Variants in TMC8 observed in about 807,000 individuals in gnomAD.
The protein encoded by TMC8 is transmembrane channel-like protein 8.
Under a neutral mutation model 76.0 loss-of-function variants are expected in TMC8, and 71 were observed. That is an observed-to-expected ratio of 0.93 (90% confidence interval 0.77 to 1.14). TMC8 has a LOEUF of 1.14. Among genes scored for constraint, TMC8 ranks in the 50% most tolerant of loss-of-function variants. The pLI is 0.00. For synonymous variants in TMC8, 433 were observed against 433.8 expected (o/e 1.00, Z 0.02); for missense variants, 924 against 947.9 (o/e 0.97, Z 0.33).
In TMC8 at chr17:78,131,286, G is replaced by T; in HGVS notation, c.-303G>T. ...TCTTTCACCCCATTTGACAGATGGG[G>T]AGACTGAGGCCGTGGCTGTGTGTCC... is the stretch of plus-strand genomic sequence containing the variant. On this transcript the variant is annotated 5_prime_UTR_variant, in exon 2 of 16. Transcript: ENST00000318430. 2 of 528,686 alleles carry T rather than the reference G, an allele frequency of 3.8e-6. No individual in the cohort carries two copies. The highest frequency in any genetic ancestry group is 4.0e-5 in the South Asian group (2 of 49,480). 32.7% of individuals were successfully genotyped at this position (528,686 alleles called of 1,614,324 possible).
chr17:78,134,743 G>C, intron 8 of TMC8, 127 bp from the exon 9 acceptor site: 3 of 1,544,196 alleles, frequency 1.9e-6, no homozygotes, highest in African/African-American at 1.4e-5. Flanking sequence ...GGCTGCTGCA[G>C]GGAATAGCTT....
intron 15 of TMC8, 102 bp from the exon 16 acceptor site, chr17:78,140,732 T>C (rs1485030453): frequency 2.0e-6 from 3 of 1,481,980 alleles, no homozygotes; most frequent in Non-Finnish European, 2.8e-6. Flanking sequence ...CTACTTTGGG[T>C]GCGGGCTGGC....
Position 78,140,819 on chromosome 17 carries a change from T to G in TMC8, c.1903-15T>G. 1.2e-6 allele frequency: 2 copies of G among 1,600,568 alleles called. No individual in the cohort carries two copies. Among genetic ancestry groups the G allele is most frequent in the Admixed American group, 1.7e-5 (1 of 58,010 alleles). ...AGCAGCGCCTGTCGCAACTCGCCAC[T>G]TGTTCTCCTCACAGCAGGTTCAGGA... On this transcript the variant is annotated splice_polypyrimidine_tract_variant and intron_variant, in intron 15 of 15. Coordinates refer to ENST00000318430, the MANE Select transcript of TMC8 (RefSeq NM_152468.5).
In TMC8 at chr17:78,132,359, G is replaced by T; in HGVS notation, c.299G>T (p.Gly100Val). 1.2e-6 allele frequency: 2 copies of T among 1,612,854 alleles called. No individual in the cohort carries two copies. The highest frequency in any genetic ancestry group is 8.5e-7 in the Non-Finnish European group (1 of 1,179,744). ...GACCCACCCTGCTCTCCCACTGCAG[G>T]CCTCTTCGGCACAGGAATTCGGTCC... ...LWEGALYEIGGLFGTGIRSYF... is the reference protein window; with the variant it reads ...LWEGALYEIGVLFGTGIRSYF... Residue 100 changes from glycine (G) to valine (V), a missense_variant and splice_region_variant, in exon 4 of 16, where the codon GGC becomes GTC. Physicochemically the swap from Gly to Val is moderately radical, Grantham distance 109 (BLOSUM62 -3). Coordinates refer to ENST00000318430, the MANE Select transcript of TMC8 (RefSeq NM_152468.5).
rs1201674417 is a variant in TMC8 at position 78,131,915 on chromosome 17, G to C, written c.183G>C (p.Leu61Phe). 2.0e-6 allele frequency: 3 copies of C among 1,496,272 alleles called. No individual in the cohort carries two copies. In the Admixed American group the frequency reaches 6.5e-5, roughly 32 times the overall value. 92.7% of individuals were successfully genotyped at this position (1,496,272 alleles called of 1,614,324 possible). ...QLREPAGVQT[L>F]RWQRWQRRRQ... ...GGGAGCCCGCGGGGGTGCAGACCTT[G>C]CGCTGGCAGCGGTGGCAGCGCCGGC... is the stretch of plus-strand genomic sequence containing the variant. The change falls in exon 3 of 16, where the codon TTG (leucine) becomes TTC (phenylalanine). Residue 61 changes from leucine (L) to phenylalanine (F), a missense_variant. Physicochemically the swap from Leu to Phe is conservative, Grantham distance 22. Coordinates refer to ENST00000318430, the MANE Select transcript of TMC8 (RefSeq NM_152468.5).
chr17:78,132,175 C>T, intron 3 of TMC8, 145 bp downstream of exon 3: 1 of 1,415,900 alleles, frequency 7.1e-7, no homozygotes, highest in South Asian at 1.2e-5. Context: ...CCCTTCCGCC[C>T]GCAGGCACCG....
chr17:78,134,260 C>A, intron 7 of TMC8, 134 bp from the exon 8 acceptor site: 1 of 1,166,216 alleles, frequency 8.6e-7, no homozygotes, highest in Non-Finnish European at 1.2e-6. Context: ...TCTATGGGAG[C>A]ATGACAGTGT....
rs1568011503 is a variant in TMC8, at chr17:78,131,641, C to T, written c.53C>T (p.Pro18Leu). 9 of 1,557,668 alleles carry T rather than the reference C, an allele frequency of 5.8e-6. No homozygotes were observed. The highest frequency in any genetic ancestry group is 6.9e-6 in the Non-Finnish European group (8 of 1,151,980). The change falls in exon 2 of 16, where the codon CCG (proline) becomes CTG (leucine). Residue 18 changes from proline (P) to leucine (L), a missense_variant. Pro to Leu is a moderately conservative substitution (Grantham distance 98). Coordinates refer to ENST00000318430, the MANE Select transcript of TMC8 (RefSeq NM_152468.5). Reference protein sequence around the residue: ...SSERAPGVPEPEELWEAEMER... With the variant: ...SSERAPGVPELEELWEAEMER... The stretch of plus-strand genomic sequence containing the variant: ...GAGCGGGCCCCTGGGGTGCCGGAGC[C>T]GGAGGAGCTGTGGGAGGCAGAGATG...
Position 78,131,965 on chromosome 17 carries a change from G to T in TMC8, c.233G>T (p.Arg78Leu). The change falls in exon 3 of 16, where the codon CGG becomes CTG. Residue 78 changes from arginine to leucine, a missense_variant. Transcript: ENST00000318430. Reference sequence around the variant, plus strand: ...CGGCAGACGGTGGAAAGGCGCCTGCGGGAGGCAGCGCAGCGGCTGGCCCGG... The same window carrying T: ...CGGCAGACGGTGGAAAGGCGCCTGCTGGAGGCAGCGCAGCGGCTGGCCCGG... The part of the protein sequence containing the change: ...RRRQTVERRL[R>L]EAAQRLARGL... 2 of 1,520,928 alleles carry T rather than the reference G, an allele frequency of 1.3e-6. No individual in the cohort carries two copies. Among genetic ancestry groups the T allele is most frequent in the Non-Finnish European group, 8.8e-7 (1 of 1,139,808 alleles). The allele number at this position is 1,520,928 out of a possible 1,614,324, so 94.2% of individuals were successfully genotyped here. A position where few individuals can be genotyped will look rare whatever the true frequency, so the allele number is the denominator to read the frequency against.
At chr17:78,137,096 A>T in intron 9 of TMC8, 139 bp from the exon 10 acceptor site, 2 of 1,365,034 alleles carry the variant, frequency 1.5e-6, no homozygotes, top group South Asian at 2.5e-5. Context: ...CCACATTGCC[A>T]CAGACAGAGC....
chr17:78,140,559 G>A (rs766287637), intron 15 of TMC8, among the ~76,000 whole-genome samples: 28 of 151,876 alleles, frequency 1.8e-4, no homozygotes, highest in Non-Finnish European at 3.2e-4. Context: ...GGAGGTCGTG[G>A]TCTCGGGCGG....
Position 78,131,883 on chromosome 17 carries a change from C to T in TMC8, c.151C>T (p.Gln51Ter), listed in dbSNP as rs2074993457. Residue 51 changes from glutamine to a stop codon, truncating the protein, a stop_gained and splice_region_variant, in exon 3 of 16, where the codon CAG becomes TAG. Transcript: ENST00000318430. LOFTEE classifies it high-confidence loss of function. Reference protein sequence around the residue: ...YAMMDKRLIWQLREPAGVQTL... With the variant: ...YAMMDKRLIW ...GCCCCTGTCACCACCCCCGTCCAGGCAGCTGCGGGAGCCCGCGGGGGTGCA... is the reference window on the plus strand; with the variant it reads ...GCCCCTGTCACCACCCCCGTCCAGGTAGCTGCGGGAGCCCGCGGGGGTGCA... 2 of 1,458,690 alleles carry T rather than the reference C, an allele frequency of 1.4e-6. No individual in the cohort carries two copies. The highest frequency in any genetic ancestry group is 1.4e-5 in the African/African-American group (1 of 69,452). 90.4% of individuals were successfully genotyped at this position (1,458,690 alleles called of 1,614,324 possible). A position where few individuals can be genotyped will look rare whatever the true frequency, so the allele number is the denominator to read the frequency against.
Position 78,134,432 on chromosome 17 carries a change from G to A in TMC8, c.855G>A (p.Gln285=). The change falls in exon 8 of 16, where the codon CAG becomes CAA. Residue 285 remains glutamine, a synonymous_variant. Transcript: ENST00000318430. ...AGGGCCGTCGCTTCCAGCTGATGCA[G>A]CAGCAGACCCGGGCCCAGACGGCCT... ...LEEGRRFQLM[Q]QQTRAQTACR... 6.2e-7 allele frequency: 1 copy of A among 1,613,394 alleles called. No individual in the cohort carries two copies.
chr17:78,131,947 C>T lies in TMC8; in HGVS notation c.215C>T (p.Thr72Met). ...RWQRWQRRRQ[T>M]VERRLREAAQ... ...CAGCGGTGGCAGCGCCGGCGGCAGA[C>T]GGTGGAAAGGCGCCTGCGGGAGGCA... The change falls in exon 3 of 16, where the codon ACG (threonine) becomes ATG (methionine). Residue 72 changes from threonine to methionine, a missense_variant. Coordinates refer to ENST00000318430, the MANE Select transcript of TMC8 (RefSeq NM_152468.5). 2 of 1,511,556 alleles carry T rather than the reference C, an allele frequency of 1.3e-6. No homozygotes were observed. The highest frequency in any genetic ancestry group is 1.4e-5 in the African/African-American group (1 of 71,390). The allele number at this position is 1,511,556 out of a possible 1,614,324, so 93.6% of individuals were successfully genotyped here. A position where few individuals can be genotyped will look rare whatever the true frequency, so the allele number is the denominator to read the frequency against.
chr17:78,137,033 C>A (rs369385453), intron 9 of TMC8: 15 of 698,536 alleles, frequency 2.1e-5, no homozygotes, highest in East Asian at 3.1e-5. Flanking sequence ...AAACACAGAA[C>A]CCTTTTTCCC....
At position 78,132,258 on chromosome 17, in the gene TMC8, G is replaced by A. The variant is rs529646028; in HGVS notation, c.299-101G>A. The A allele has an allele frequency of 1.5e-5, 22 of 1,479,476 alleles. No homozygotes were observed. The Admixed American group carries it at 4.1e-4, about 27-fold the overall frequency. 91.6% of individuals were successfully genotyped at this position (1,479,476 alleles called of 1,614,324 possible). A position where few individuals can be genotyped will look rare whatever the true frequency, so the allele number is the denominator to read the frequency against. On this transcript the variant is annotated intron_variant, in intron 3 of 15. Transcript: ENST00000318430. ...TCCGGACTCGGGCGGGTGGGAGCCT[G>A]GCGGGCACCCCACGCCGTCCGGTGG... is the stretch of plus-strand genomic sequence containing the variant.
rs1598895695 is a variant in TMC8, at chr17:78,131,950, T to C, written c.218T>C (p.Val73Ala). The C allele has an allele frequency of 6.6e-7, 1 of 1,515,586 alleles. No individual in the cohort carries two copies. Among genetic ancestry groups the C allele is most frequent in the Non-Finnish European group, 8.8e-7 (1 of 1,137,236 alleles). 93.9% of individuals were successfully genotyped at this position (1,515,586 alleles called of 1,614,324 possible). A position where few individuals can be genotyped will look rare whatever the true frequency, so the allele number is the denominator to read the frequency against. ...WQRWQRRRQT[V>A]ERRLREAAQR... ...CGGTGGCAGCGCCGGCGGCAGACGGTGGAAAGGCGCCTGCGGGAGGCAGCG... is the reference window on the plus strand; with the variant it reads ...CGGTGGCAGCGCCGGCGGCAGACGGCGGAAAGGCGCCTGCGGGAGGCAGCG... Residue 73 changes from valine (V) to alanine (A), a missense_variant, in exon 3 of 16, where the codon GTG (valine) becomes GCG (alanine). Transcript: ENST00000318430.
Position 78,132,759 on chromosome 17 carries a change from T to C in TMC8, c.449-29T>C, listed in dbSNP as rs1382316231. On this transcript the variant is annotated intron_variant, in intron 4 of 15. Transcript: ENST00000318430. Reference sequence around the variant, plus strand: ...GCCTCACCTATGCCTTGGGGATCCCTCTCTATTGACCCCCTTCCTCCTCAA... The same window carrying C: ...GCCTCACCTATGCCTTGGGGATCCCCCTCTATTGACCCCCTTCCTCCTCAA... 4 of 1,612,240 alleles carry C rather than the reference T, an allele frequency of 2.5e-6. No homozygotes were observed. The African/African-American group carries it at 4.0e-5, about 16-fold the overall frequency.
At chr17:78,134,799 C>A in intron 8 of TMC8, 71 bp from the exon 9 acceptor site, 1 of 1,605,356 alleles carries the variant, frequency 6.2e-7, no homozygotes. Context: ...CACTTTAGGG[C>A]ACTGTGGGGG....
Sources: gnomAD v4.1 joint callset for allele counts (sites outside exome capture counted in the v4.1 genomes callset) on GRCh38, gnomAD v4.1.1 for gene constraint, MANE v1.5 for transcripts, NCBI Gene and HGNC (gene_info 2026-07-23, HGNC 2026-07-21) for gene names.